ROR2: variants seen among roughly 807,000 people sequenced by gnomAD.
ROR2 encodes the protein tyrosine-protein kinase transmembrane receptor ROR2.
In ROR2, 33 loss-of-function variants were observed where a neutral mutation model predicts 74.9. The ratio of observed to expected loss-of-function variants is 0.44; its 90% CI spans 0.33 to 0.59. ROR2 has a LOEUF of 0.59. Ranked by LOEUF, ROR2 falls within the 20% of genes least tolerant of loss-of-function variation. ROR2 has a pLI of 0.02. For missense variants in ROR2, 1,216 were observed against 1,313.8 expected, an observed-to-expected ratio of 0.93 and a Z score of 1.15; for synonymous variants, 586 against 558.7, an observed-to-expected ratio of 1.05 and a Z score of -0.69.
At chr9:91,764,587 C>CA (rs1554757119) in intron 2 of ROR2, among the ~76,000 whole-genome samples, 6 of 139,446 alleles carry the variant, frequency 4.3e-5, no homozygotes, top group African/African-American at 1.1e-4. Context: ...CACACACACA[C>CA]CACACACATT....
Position 91,829,360 on chromosome 9 carries a change from C to T in ROR2, c.98-53542G>A, listed in dbSNP as rs1277691349. Among the ~76,000 whole-genome samples the T allele has an allele frequency of 3.9e-5, 6 of 151,908 alleles. No individual in the cohort carries two copies. In the East Asian group the frequency reaches 5.8e-4, roughly 15 times the overall value. On this transcript the variant is annotated intron_variant, in intron 1 of 8. Transcript: ENST00000375708. Reference sequence around the variant, plus strand: ...GAGTTCGAGACCAGCCTGGGCAACACGGTGAAACCCCGTCTCTACTAAAAC... The same window carrying T: ...GAGTTCGAGACCAGCCTGGGCAACATGGTGAAACCCCGTCTCTACTAAAAC...
chr9:91,916,855 A>G (rs1268004331), intron 1 of ROR2, among the ~76,000 whole-genome samples: 6 of 152,178 alleles, frequency 3.9e-5, no homozygotes, highest in African/African-American at 7.2e-5. Context: ...GAAGTCGGCC[A>G]CCAACATGGT....
chr9:91,737,487 G>T lies in ROR2; in HGVS notation c.526C>A (p.Pro176Thr). Residue 176 changes from proline to threonine, a missense_variant, in exon 5 of 9, where the codon CCT becomes ACT. Pro to Thr is a conservative substitution (Grantham distance 38). Transcript: ENST00000375708. The part of the protein sequence containing the change: ...DDYHEDGFCQ[P>T]YRGIACARFI... ...CGTGCACAGGCAATTCCCCGGTAAG[G>T]CTGGCAGAACCCATCCTCGTGGTAA... is the stretch of plus-strand genomic sequence containing the variant. 1 of 1,614,160 alleles carries T rather than the reference G, an allele frequency of 6.2e-7. No homozygotes were observed. The highest frequency in any genetic ancestry group is 8.5e-7 in the Non-Finnish European group (1 of 1,180,032).
intron 1 of ROR2, among the ~76,000 whole-genome samples, chr9:91,851,747 C>A (rs917561051): frequency 6.6e-6 from 1 of 151,996 alleles, no homozygotes; most frequent in Non-Finnish European, 1.5e-5. Flanking sequence ...GAGGCCGAAG[C>A]GGGCAGATCA....
intron 1 of ROR2, among the ~76,000 whole-genome samples, chr9:91,802,727 G>C (rs1052658081): frequency 6.6e-6 from 1 of 152,166 alleles, no homozygotes; most frequent in African/African-American, 2.4e-5. Flanking sequence ...GTGGCACGAG[G>C]TGCGCAGAAA....
chr9:91,852,651 C>CACACACACACACACA (rs1231343818), intron 1 of ROR2, among the ~76,000 whole-genome samples: 2,484 of 143,052 alleles, frequency 0.017, 96 homozygotes, highest in African/African-American at 0.055. Context: ...ACACACACAC[C>CACACACACACACACA]CACACACACA....
At chr9:91,939,922 T>C (rs1831803175) in intron 1 of ROR2, among the ~76,000 whole-genome samples, 1 of 152,114 alleles carries the variant, frequency 6.6e-6, no homozygotes, top group South Asian at 2.1e-4. Flanking sequence ...TAAACAAGGC[T>C]CAGCAGATGC....
At chr9:91,846,066 C>T (rs1828920457) in intron 1 of ROR2, among the ~76,000 whole-genome samples, 2 of 152,028 alleles carry the variant, frequency 1.3e-5, no homozygotes, top group Non-Finnish European at 2.9e-5. Context: ...GATACCAACC[C>T]CAGGATGCCT....
At chr9:91,902,549 C>T (rs953411729) in intron 1 of ROR2, among the ~76,000 whole-genome samples, 5 of 152,084 alleles carry the variant, frequency 3.3e-5, no homozygotes, top group African/African-American at 9.7e-5. Context: ...CAAGGATCTC[C>T]GTTAACACCA....
chr9:91,778,741 T>C (rs1216164439), intron 1 of ROR2, among the ~76,000 whole-genome samples: 2 of 152,214 alleles, frequency 1.3e-5, no homozygotes, highest in Non-Finnish European at 2.9e-5. Flanking sequence ...GTCATCCGTA[T>C]GACAGGCACA....
At position 91,724,787 on chromosome 9, in the gene ROR2, C is replaced by T. The variant is rs766805321; in HGVS notation, c.1707G>A (p.Ser569=). The change falls in exon 9 of 9, where the codon TCG becomes TCA. Residue 569 remains serine (S), a synonymous_variant. Coordinates refer to ENST00000375708, the MANE Select transcript of ROR2 (RefSeq NM_004560.4). The part of the protein sequence containing the change: ...GDLHEFLVMR[S]PHSDVGSTDD... ...CGGTGCTGCCCACGTCCGAGTGCGG[C>T]GAGCGCATGACCAGGAATTCGTGGA... 3.3e-5 allele frequency: 53 copies of T among 1,611,322 alleles called. No homozygotes were observed. The highest frequency in any genetic ancestry group is 6.7e-5 in the East Asian group (3 of 44,814).
chr9:91,839,424 G>GTGTA (rs750578098), intron 1 of ROR2, among the ~76,000 whole-genome samples: 1 of 151,690 alleles, frequency 6.6e-6, no homozygotes, highest in Non-Finnish European at 1.5e-5. Flanking sequence ...TGGGGTGTGT[G>GTGTA]TGTATGTGTG....
rs75661161 is a variant in ROR2 at position 91,730,857 on chromosome 9, A to G, written c.1183+53T>C. 2.3e-3 allele frequency: 3,693 copies of G among 1,612,404 alleles called. 77 individuals carry two copies. The African/African-American group carries it at 0.044, about 19-fold the overall frequency. ...CAGGTCAGGACAGAACGCCCTCATC[A>G]CAAGGTTCACTCAACAATCAACACA... On this transcript the variant is annotated intron_variant, in intron 7 of 8. Coordinates refer to ENST00000375708, the MANE Select transcript of ROR2 (RefSeq NM_004560.4).
intron 1 of ROR2, among the ~76,000 whole-genome samples, chr9:91,912,369 A>T (rs1831016582): frequency 6.6e-6 from 1 of 152,214 alleles, no homozygotes. Context: ...GAATTCCAAA[A>T]TGGCTAGAAT....
At chr9:91,726,448 C>A in intron 8 of ROR2, 93 bp downstream of exon 8, 2 of 1,183,576 alleles carry the variant, frequency 1.7e-6, no homozygotes, top group Non-Finnish European at 2.5e-6. Context: ...TGCTATGTAT[C>A]AAGTAAATTA....
In ROR2 at chr9:91,726,203, A is replaced by G. The variant is rs7042446; in HGVS notation, c.1386+338T>C. On this transcript the variant is annotated intron_variant, in intron 8 of 8. Coordinates refer to ENST00000375708, the MANE Select transcript of ROR2 (RefSeq NM_004560.4). ...AAAAGTGTCAAGAAAAATTATGGGG[A>G]GCATTGGAGCCCTGTTGTTCTTGTG... Among the ~76,000 whole-genome samples the G allele has an allele frequency of 9.2e-3, 1,407 of 152,266 alleles. 22 individuals are homozygous for G. Among genetic ancestry groups the G allele is most frequent in the African/African-American group, 0.032 (1,338 of 41,530 alleles).
At chr9:91,862,448 A>G (rs1214244562) in intron 1 of ROR2, among the ~76,000 whole-genome samples, 1 of 152,148 alleles carries the variant, frequency 6.6e-6, no homozygotes, top group Non-Finnish European at 1.5e-5. Flanking sequence ...AGTTGAGGCC[A>G]AGAGTTCAGA....
At chr9:91,928,709 T>C (rs536445311) in intron 1 of ROR2, among the ~76,000 whole-genome samples, 2 of 152,298 alleles carry the variant, frequency 1.3e-5, no homozygotes, top group African/African-American at 4.8e-5. Flanking sequence ...AAAGACTAAA[T>C]GACATAATTC....
At chr9:91,735,594 T>A in intron 5 of ROR2, among the ~76,000 whole-genome samples, 1 of 143,846 alleles carries the variant, frequency 7.0e-6, no homozygotes, top group Non-Finnish European at 1.5e-5. Flanking sequence ...CGGTTCCTAC[T>A]AAGGGCTCTA....
Sources: gnomAD v4.1 joint callset for allele counts (sites outside exome capture counted in the v4.1 genomes callset) on GRCh38, gnomAD v4.1.1 for gene constraint, MANE v1.5 for transcripts, NCBI Gene and HGNC (gene_info 2026-07-23, HGNC 2026-07-21) for gene names.